The following KLF15 variants were observed in gnomAD, a reference collection of about 807,000 sequenced individuals.
KLF15 encodes KLF transcription factor 15, also known as Krueppel-like factor 15.
KLF15 carries 4 observed loss-of-function variants against 24.6 expected under a neutral mutation model. That is an observed-to-expected ratio of 0.16 (90% confidence interval 0.08 to 0.37). The LOEUF is 0.37. Ranked by LOEUF, KLF15 falls within the 10% of genes least tolerant of loss-of-function variation. The pLI, the probability that KLF15 is intolerant of heterozygous loss-of-function variation, is 1.00. For missense variants in KLF15, 496 were observed against 560.6 expected (o/e 0.88, Z 1.16); for synonymous variants, 246 against 236.3 (o/e 1.04, Z -0.37).
Position 126,352,289 on chromosome 3 carries a change from T to A in KLF15, c.634A>T (p.Thr212Ser), listed in dbSNP as rs753201099. Reference sequence around the variant, plus strand: ...AACACTGGGATGGGGCCATCAGGCGTGGGGCCCCCACCTGGGCCCTGGGCA... The same window carrying A: ...AACACTGGGATGGGGCCATCAGGCGAGGGGCCCCCACCTGGGCCCTGGGCA... ...GGAQGPGGGP[T>S]PDGPIPVLLQ... is the part of the protein sequence containing the mutation. The change falls in exon 2 of 3, where the codon ACG becomes TCG. Residue 212 changes from threonine (T) to serine (S), a missense_variant. Physicochemically the swap from Thr to Ser is moderately conservative, Grantham distance 58 (BLOSUM62 1). Transcript: ENST00000296233. 6.5e-7 allele frequency: 1 copy of A among 1,546,146 alleles called. No homozygotes were observed.
At chr3:126,315,130 C>T in the KLF15 span, among the ~76,000 whole-genome samples, 1 of 152,128 alleles carries the variant, frequency 6.6e-6, no homozygotes, top group Non-Finnish European at 1.5e-5. Context: ...ACCTTCATGA[C>T]CACTTGGGGT....
chr3:126,296,902 T>C, the KLF15 span, among the ~76,000 whole-genome samples: 2 of 152,222 alleles, frequency 1.3e-5, no homozygotes, highest in African/African-American at 4.8e-5. Flanking sequence ...AACATTTTTA[T>C]TTTCTAGTTG....
chr3:126,342,844 C>A lies in KLF15; in HGVS notation c.*883G>T, dbSNP rs2082489597. Reference sequence around the variant, plus strand: ...ATACATTCATAGGATGTGAAATAAACCTGTCAAAACAAGCTAGTTCATTTA... The same window carrying A: ...ATACATTCATAGGATGTGAAATAAAACTGTCAAAACAAGCTAGTTCATTTA... On this transcript the variant is annotated 3_prime_UTR_variant, in exon 3 of 3. Coordinates refer to ENST00000296233, the MANE Select transcript of KLF15 (RefSeq NM_014079.4). 1.3e-5 allele frequency: 2 copies of A among 152,338 alleles called. No individual in the cohort carries two copies. Among genetic ancestry groups the A allele is most frequent in the African/African-American group, 4.8e-5 (2 of 41,332 alleles). The allele number at this position is 152,338 out of a possible 1,614,324, so 9.4% of individuals were successfully genotyped here.
downstream of KLF15, among the ~76,000 whole-genome samples, chr3:126,337,905 C>T (rs554396365): frequency 3.9e-5 from 6 of 152,042 alleles, no homozygotes; most frequent in South Asian, 2.1e-4. Flanking sequence ...GCTTTCAAGG[C>T]GGGAGAAGGT....
rs1431576297 is a variant in KLF15, at chr3:126,352,094, T to G, written c.829A>C (p.Lys277Gln). 1 of 1,549,782 alleles carries G rather than the reference T, an allele frequency of 6.5e-7. No homozygotes were observed. The highest frequency in any genetic ancestry group is 1.2e-5 in the South Asian group (1 of 82,968). ...GGCACAGGGGCAATGCGCACAAACT[T>G]GGAGGGCAGGTTCAAGTTGGAGGAG... ...VPSSNLNLPS[K>Q]FVRIAPVPIA... Residue 277 changes from lysine (K) to glutamine (Q), a missense_variant, in exon 2 of 3, where the codon AAG becomes CAG. Lys to Gln is a moderately conservative substitution (Grantham distance 53). Around this residue, in one of 3 missense-constraint regions of KLF15, gnomAD observed 399 missense variants for 423.1 expected, o/e 0.94. Coordinates refer to ENST00000296233, the MANE Select transcript of KLF15 (RefSeq NM_014079.4).
In KLF15 at chr3:126,352,719, C is replaced by T. The variant is rs765430053; in HGVS notation, c.204G>A (p.Leu68=). The change falls in exon 2 of 3, where the codon CTG becomes CTA. Residue 68 remains leucine (L), a synonymous_variant. Transcript: ENST00000296233. ...QALCSCYGGG[L]GTESQDSILD... Reference sequence around the variant, plus strand: ...AGATGCTGTCCTGGCTCTCGGTGCCCAGGCCTCCACCATAGCAGGAGCAGA... The same window carrying T: ...AGATGCTGTCCTGGCTCTCGGTGCCTAGGCCTCCACCATAGCAGGAGCAGA... The T allele has an allele frequency of 3.2e-6, 5 of 1,577,418 alleles. No homozygotes were observed. Among genetic ancestry groups the T allele is most frequent in the Middle Eastern group, 3.3e-4 (2 of 6,016 alleles).
chr3:126,353,126 C>A (rs911397514), intron 1 of KLF15, among the ~76,000 whole-genome samples, 179 bp from the exon 2 acceptor site: 4 of 152,242 alleles, frequency 2.6e-5, no homozygotes, highest in African/African-American at 7.2e-5. Context: ...ATTGCACCAC[C>A]TGTTTGCAAA....
the KLF15 span, among the ~76,000 whole-genome samples, chr3:126,327,722 C>A: frequency 1.3e-5 from 2 of 152,148 alleles, no homozygotes; most frequent in Non-Finnish European, 2.9e-5. Flanking sequence ...GTCATGTTTA[C>A]ATAATGTAAA....
chr3:126,347,604 C>T (rs993055209), intron 2 of KLF15, among the ~76,000 whole-genome samples: 3 of 152,204 alleles, frequency 2.0e-5, no homozygotes, highest in Non-Finnish European at 4.4e-5. Context: ...TGGAACAGGA[C>T]GTTCTGCTGC....
the KLF15 span, among the ~76,000 whole-genome samples, chr3:126,298,873 G>C: frequency 6.6e-6 from 1 of 152,110 alleles, no homozygotes; most frequent in Non-Finnish European, 1.5e-5. Context: ...CTACAGCCTT[G>C]TGATATAGTT....
At chr3:126,321,609 G>T in the KLF15 span, among the ~76,000 whole-genome samples, 1 of 152,226 alleles carries the variant, frequency 6.6e-6, no homozygotes, top group East Asian at 1.9e-4. Flanking sequence ...TGTGAAGATG[G>T]ACAGAACCCT....
chr3:126,352,172 G>A lies in KLF15; in HGVS notation c.751C>T (p.Leu251Phe), dbSNP rs758448549. Reference protein sequence around the residue: ...QAPENVKVAQLLVNIQGQTFA... With the variant: ...QAPENVKVAQFLVNIQGQTFA... ...GTCTGCCCCTGGATGTTGACCAGGA[G>A]CTGGGCAACCTTGACATTCTCTGGG... Residue 251 changes from leucine to phenylalanine, a missense_variant, in exon 2 of 3, where the codon CTC (leucine) becomes TTC (phenylalanine). By Grantham distance (22) the Leu-to-Phe change is conservative (BLOSUM62 0). Coordinates refer to ENST00000296233, the MANE Select transcript of KLF15 (RefSeq NM_014079.4). 4 of 1,574,710 alleles carry A rather than the reference G, an allele frequency of 2.5e-6. No individual in the cohort carries two copies. Among genetic ancestry groups the A allele is most frequent in the Non-Finnish European group, 3.4e-6 (4 of 1,161,798 alleles).
At chr3:126,350,279 G>T (rs1349304073) in intron 2 of KLF15, among the ~76,000 whole-genome samples, 2 of 152,198 alleles carry the variant, frequency 1.3e-5, no homozygotes, top group African/African-American at 2.4e-5. Flanking sequence ...GCACCCACTC[G>T]GCAGGCCTAG....
chr3:126,323,257 C>G, the KLF15 span, among the ~76,000 whole-genome samples: 1 of 149,738 alleles, frequency 6.7e-6, no homozygotes, highest in African/African-American at 2.5e-5. Flanking sequence ...ATGGTTCTCT[C>G]TCTCCATACA....
chr3:126,351,733 C>A (rs905652409), intron 2 of KLF15, 108 bp downstream of exon 2: 24 of 900,912 alleles, frequency 2.7e-5, no homozygotes, highest in East Asian at 6.5e-5. Flanking sequence ...TCCCTCCCCT[C>A]CCTCATCTAC....
chr3:126,350,485 T>C (rs915222749), intron 2 of KLF15, among the ~76,000 whole-genome samples: 7 of 152,168 alleles, frequency 4.6e-5, no homozygotes, highest in Non-Finnish European at 1.0e-4. Flanking sequence ...TGGCACTCAA[T>C]GGAAAGGTGG....
chr3:126,341,993 C>A (rs1299313837), downstream of KLF15, among the ~76,000 whole-genome samples: 2 of 150,104 alleles, frequency 1.3e-5, no homozygotes, highest in Non-Finnish European at 2.9e-5. Context: ...TGGGCCCCCA[C>A]TTCCCCCAGG....
chr3:126,323,450 TATATATATATAACATATATATGTTA>T, the KLF15 span, among the ~76,000 whole-genome samples: 1 of 94,878 alleles, frequency 1.1e-5, no homozygotes, highest in African/African-American at 5.3e-5. Context: ...ATATATGTTA[TATATATATATAACATATATATGTTA>T]TATATATATA....
chr3:126,351,776 A>C, intron 2 of KLF15, 65 bp downstream of exon 2: 4 of 1,461,496 alleles, frequency 2.7e-6, no homozygotes, highest in Non-Finnish European at 3.6e-6. Context: ...GCCCTGCTGC[A>C]CACCCAAGTA....
Sources: allele counts gnomAD v4.1 joint callset (sites outside exome capture counted in the v4.1 genomes callset), GRCh38; gene constraint gnomAD v4.1.1; regional missense constraint gnomAD v4.1.1; transcripts MANE v1.5; gene names NCBI Gene and HGNC (gene_info 2026-07-23, HGNC 2026-07-21).